USP38: variants seen among roughly 807,000 people sequenced by gnomAD.
The protein encoded by USP38 is ubiquitin specific peptidase 38.
A neutral mutation model predicts 94.3 loss-of-function variants in USP38; 49 were observed. That is an observed-to-expected ratio of 0.52 (90% CI 0.41 to 0.66). The LOEUF is 0.66. USP38 is among the 30% of genes least tolerant of loss of function. USP38 has a pLI of 0.00. For synonymous variants in USP38, 468 were observed against 463.6 expected, an observed-to-expected ratio of 1.01 and a Z score of -0.12; for missense variants, 1,128 against 1,229.4, an observed-to-expected ratio of 0.92 and a Z score of 1.23.
chr4:143,194,538 C>T (rs928022915), intron 2 of USP38, among the ~76,000 whole-genome samples: 1 of 151,802 alleles, frequency 6.6e-6, no homozygotes, highest in Non-Finnish European at 1.5e-5. Context: ...GACGGAGTCT[C>T]GCTCTGTTGT....
chr4:143,202,619 A>G (rs1407524361), intron 4 of USP38, among the ~76,000 whole-genome samples: 1 of 152,130 alleles, frequency 6.6e-6, no homozygotes, highest in African/African-American at 2.4e-5. Flanking sequence ...ATAACCTCCT[A>G]AAGATATGAT....
Position 143,214,026 on chromosome 4 carries a change from GAGT to G in USP38, c.2051_2053del (p.Glu684_Phe685delinsVal). 6.2e-7 allele frequency: 1 copy of G among 1,613,522 alleles called. No individual in the cohort carries two copies. Among genetic ancestry groups the G allele is most frequent in the South Asian group, 1.1e-5 (1 of 91,062 alleles). On this transcript the variant is annotated inframe_deletion, in exon 9 of 10. Transcript: ENST00000307017. ...AAAAACCATAGGCAGTCCTCCTAATGAGTTTTACTGTTCTGAAAACACTTCTGT... is the reference window on the plus strand; with the variant it reads ...AAAAACCATAGGCAGTCCTCCTAATGTTTACTGTTCTGAAAACACTTCTGT...
intron 2 of USP38, among the ~76,000 whole-genome samples, chr4:143,195,391 G>C (rs761511244): frequency 6.6e-6 from 1 of 152,170 alleles, no homozygotes; most frequent in Non-Finnish European, 1.5e-5. Context: ...AGCACTTCTG[G>C]TTCCAGACAT....
In USP38 at chr4:143,223,601, C is replaced by G. The variant is rs550376973; in HGVS notation, c.*3145C>G. ...GTGGAATTGGATGCTTATTGTGTGC[C>G]CAGCACAGTTTAGGAAAAAAATAAT... On this transcript the variant is annotated 3_prime_UTR_variant, in exon 10 of 10. Transcript: ENST00000307017. The G allele has an allele frequency of 2.6e-5, 4 of 152,048 alleles. No homozygotes were observed. Among genetic ancestry groups the G allele is most frequent in the African/African-American group, 9.6e-5 (4 of 41,506 alleles). The allele number at this position is 152,048 out of a possible 1,614,324, so 9.4% of individuals were successfully genotyped here.
In USP38 at chr4:143,222,420, A is replaced by G. The variant is rs978007565; in HGVS notation, c.*1964A>G. 2 of 151,966 alleles carry G rather than the reference A, an allele frequency of 1.3e-5. No homozygotes were observed. Among genetic ancestry groups the G allele is most frequent in the African/African-American group, 2.4e-5 (1 of 41,396 alleles). The allele number at this position is 151,966 out of a possible 1,614,324, so 9.4% of individuals were successfully genotyped here. A position where few individuals can be genotyped will look rare whatever the true frequency, so the allele number is the denominator to read the frequency against. Reference sequence around the variant, plus strand: ...GCATATAACCTGTGCACATCCTCCCATATACTTTAATCTCCAGATGATTAG... The same window carrying G: ...GCATATAACCTGTGCACATCCTCCCGTATACTTTAATCTCCAGATGATTAG... On this transcript the variant is annotated 3_prime_UTR_variant, in exon 10 of 10. Coordinates refer to ENST00000307017, the MANE Select transcript of USP38 (RefSeq NM_032557.6).
chr4:143,198,884 G>A (rs1731628858), intron 4 of USP38, among the ~76,000 whole-genome samples: 1 of 152,030 alleles, frequency 6.6e-6, no homozygotes, highest in African/African-American at 2.4e-5. Context: ...GATAGCAGGT[G>A]TACTAGCAAA....
intron 6 of USP38, among the ~76,000 whole-genome samples, chr4:143,207,154 G>A (rs1238522600): frequency 6.6e-6 from 1 of 152,186 alleles, no homozygotes; most frequent in Non-Finnish European, 1.5e-5. Context: ...TTACCAATAA[G>A]CTATTCATGG....
At chr4:143,208,246 TAATA>T (rs1433877570) in intron 6 of USP38, among the ~76,000 whole-genome samples, 1 of 152,142 alleles carries the variant, frequency 6.6e-6, no homozygotes, top group Non-Finnish European at 1.5e-5. Context: ...TAATGAGATT[TAATA>T]AATAAGTTAA....
Position 143,223,119 on chromosome 4 carries a change from G to A in USP38, c.*2663G>A, listed in dbSNP as rs947724277. 6.6e-6 allele frequency: 1 copy of A among 152,124 alleles called. No homozygotes were observed. The highest frequency in any genetic ancestry group is 1.5e-5 in the Non-Finnish European group (1 of 67,992). The allele number at this position is 152,124 out of a possible 1,614,324, so 9.4% of individuals were successfully genotyped here. On this transcript the variant is annotated 3_prime_UTR_variant, in exon 10 of 10. Coordinates refer to ENST00000307017, the MANE Select transcript of USP38 (RefSeq NM_032557.6). Reference sequence around the variant, plus strand: ...GATATGCAAAGAAGGAAATATATATGATGTCACACAAGCTCCAGTAAGCTA... The same window carrying A: ...GATATGCAAAGAAGGAAATATATATAATGTCACACAAGCTCCAGTAAGCTA...
intron 7 of USP38, 69 bp from the exon 8 acceptor site, chr4:143,212,249 T>G: frequency 7.6e-7 from 1 of 1,317,088 alleles, no homozygotes; most frequent in Non-Finnish European, 1.1e-6. Context: ...CACTGTATAT[T>G]AAGATTTCAG....
Position 143,206,156 on chromosome 4 carries a change from A to C in USP38, c.1333A>C (p.Thr445Pro). Reference protein sequence around the residue: ...RLSGKSETGKTGLINLGNTCY... With the variant: ...RLSGKSETGKPGLINLGNTCY... The stretch of plus-strand genomic sequence containing the variant: ...TTCTGGAAAATCTGAAACTGGGAAA[A>C]CTGGTCTTATTAACCTAGGAAATAC... The change falls in exon 6 of 10, where the codon ACT becomes CCT. Residue 445 changes from threonine (T) to proline (P), a missense_variant. Thr to Pro is a conservative substitution (Grantham distance 38). Transcript: ENST00000307017. 1 of 1,613,742 alleles carries C rather than the reference A, an allele frequency of 6.2e-7. No homozygotes were observed. Among genetic ancestry groups the C allele is most frequent in the Non-Finnish European group, 8.5e-7 (1 of 1,179,906 alleles).
intron 2 of USP38, among the ~76,000 whole-genome samples, chr4:143,190,041 T>C (rs1012955871): frequency 6.6e-6 from 1 of 152,098 alleles, no homozygotes; most frequent in African/African-American, 2.4e-5. Context: ...GAAACTGTTA[T>C]CTTGTTCATC....
chr4:143,215,417 A>T (rs1292209279), intron 9 of USP38: 1 of 153,876 alleles, frequency 6.5e-6, no homozygotes, highest in East Asian at 1.9e-4. Context: ...TTCTTTGAGG[A>T]TGTGGTTAGT....
At chr4:143,200,457 C>G (rs1301217573) in intron 4 of USP38, among the ~76,000 whole-genome samples, 3 of 152,128 alleles carry the variant, frequency 2.0e-5, no homozygotes, top group East Asian at 1.9e-4. Flanking sequence ...GAAGCATTCC[C>G]CTTGAAAACC....
chr4:143,212,925 G>A (rs1732067331), intron 8 of USP38, among the ~76,000 whole-genome samples: 1 of 151,926 alleles, frequency 6.6e-6, no homozygotes, highest in Non-Finnish European at 1.5e-5. Flanking sequence ...GTTTATTATT[G>A]TTTGCTAAAT....
intron 9 of USP38, among the ~76,000 whole-genome samples, chr4:143,219,692 A>G (rs1395390420): frequency 2.0e-5 from 3 of 152,114 alleles, no homozygotes; most frequent in East Asian, 3.9e-4. Flanking sequence ...TACCTTGCCA[A>G]ATGAATTTGC....
rs1731176829 is a variant in USP38 at position 143,185,265 on chromosome 4, C to T, written c.-186C>T. On this transcript the variant is annotated 5_prime_UTR_variant, in exon 1 of 10. Transcript: ENST00000307017. ...TTAGGCTCTCCAGGCTCGCTAGCTCCCGCCCCGGCTTGGATGGGTCTCCCT... is the reference window on the plus strand; with the variant it reads ...TTAGGCTCTCCAGGCTCGCTAGCTCTCGCCCCGGCTTGGATGGGTCTCCCT... The T allele has an allele frequency of 1.5e-6, 1 of 673,024 alleles. No homozygotes were observed. The highest frequency in any genetic ancestry group is 2.0e-5 in the South Asian group (1 of 49,128). The allele number at this position is 673,024 out of a possible 1,614,324, so 41.7% of individuals were successfully genotyped here.
chr4:143,187,923 A>C lies in USP38; in HGVS notation c.780A>C (p.Pro260=). 6.2e-7 allele frequency: 1 copy of C among 1,613,782 alleles called. No individual in the cohort carries two copies. The highest frequency in any genetic ancestry group is 8.5e-7 in the Non-Finnish European group (1 of 1,179,760). The part of the protein sequence containing the change: ...TVLIRSLTTD[P]NVKDASMTQA... ...TCATCAGGAGCCTTACTACGGATCC[A>C]AATGTAAAAGATGCAAGTATGACCC... The change falls in exon 2 of 10, where the codon CCA becomes CCC. Residue 260 remains proline, a synonymous_variant. Coordinates refer to ENST00000307017, the MANE Select transcript of USP38 (RefSeq NM_032557.6).
In USP38 at chr4:143,209,664, G is replaced by A. The variant is rs202080488; in HGVS notation, c.1497+7G>A. 195 of 1,553,238 alleles carry A rather than the reference G, an allele frequency of 1.3e-4. No homozygotes were observed. The highest frequency in any genetic ancestry group is 1.6e-4 in the Non-Finnish European group (183 of 1,128,902). ...CTTTCTGGCCCATACACAGGTGAGT[G>A]TGTATGTGTATATAGTACGTTTATG... On this transcript the variant is annotated splice_region_variant and intron_variant, in intron 7 of 9. Coordinates refer to ENST00000307017, the MANE Select transcript of USP38 (RefSeq NM_032557.6).
Sources: allele counts gnomAD v4.1 joint callset (sites outside exome capture counted in the v4.1 genomes callset), GRCh38; gene constraint gnomAD v4.1.1; transcripts MANE v1.5; gene names NCBI Gene and HGNC (gene_info 2026-07-23, HGNC 2026-07-21).